The following CKAP5 variants were observed in gnomAD, a reference collection of about 807,000 sequenced individuals.
CKAP5 encodes the protein cytoskeleton associated protein 5.
In CKAP5, 27 loss-of-function variants were observed where a neutral mutation model predicts 232.8. The ratio of observed to expected loss-of-function variants is 0.12; its 90% CI spans 0.09 to 0.16. The LOEUF is 0.16. Ranked by LOEUF, CKAP5 falls within the 10% of genes least tolerant of loss-of-function variation. The pLI is 1.00. For synonymous variants in CKAP5, 785 were observed against 841.1 expected, an observed-to-expected ratio of 0.93 and a Z score of 1.16; for missense variants, 1,838 against 2,424.7, an observed-to-expected ratio of 0.76 and a Z score of 5.08.
At chr11:46,780,031 T>A (rs1330800203) in intron 20 of CKAP5, among the ~76,000 whole-genome samples, 163 bp downstream of exon 20, 1 of 152,152 alleles carries the variant, frequency 6.6e-6, no homozygotes, top group Non-Finnish European at 1.5e-5. Flanking sequence ...GACACCCAAC[T>A]GGCATAGCAC....
Position 46,770,862 on chromosome 11 carries a change from C to A in CKAP5, c.3112G>T (p.Ala1038Ser). Residue 1038 changes from alanine to serine, a missense_variant, in exon 25 of 44, where the codon GCC becomes TCC. Ala to Ser is a moderately conservative substitution (Grantham distance 99). Transcript: ENST00000529230. Reference protein sequence around the residue: ...EDRNGDVRKKAQDALPFFMMH... With the variant: ...EDRNGDVRKKSQDALPFFMMH... ...ATGAAGAATGGCAAGGCATCTTGGGCCTTCTTTCGCACATCTCCATTTCGA... is the reference window on the plus strand; with the variant it reads ...ATGAAGAATGGCAAGGCATCTTGGGACTTCTTTCGCACATCTCCATTTCGA... 6.2e-7 allele frequency: 1 copy of A among 1,614,128 alleles called. No homozygotes were observed. Among genetic ancestry groups the A allele is most frequent in the South Asian group, 1.1e-5 (1 of 91,078 alleles).
rs1342373243 is a variant in CKAP5, at chr11:46,753,286, TATTGGCTGAGAGTACAG to T, written c.5057+7_5057+23del. On this transcript the variant is annotated splice_region_variant and intron_variant, in intron 37 of 43. Coordinates refer to ENST00000529230, the MANE Select transcript of CKAP5 (RefSeq NM_001008938.4). ...ACAAAAGCGAGGATGCCCCAGGCTC[TATTGGCTGAGAGTACAG>T]ATATACCTCAGGATGTTGGTCTGGT... 1.9e-6 allele frequency: 3 copies of T among 1,564,810 alleles called. No homozygotes were observed. The highest frequency in any genetic ancestry group is 2.6e-6 in the Non-Finnish European group (3 of 1,158,132).
At chr11:46,835,953 T>C (rs56904688) in intron 1 of CKAP5, among the ~76,000 whole-genome samples, 13,836 of 152,276 alleles carry the variant, frequency 0.091, 641 homozygotes, top group Non-Finnish European at 0.1. Flanking sequence ...TGGTATTCTA[T>C]GGTATTCTTT....
At chr11:46,776,684 G>A (rs952655507) in intron 23 of CKAP5, among the ~76,000 whole-genome samples, 1 of 152,162 alleles carries the variant, frequency 6.6e-6, no homozygotes, top group African/African-American at 2.4e-5. Flanking sequence ...TGTTTCCTGA[G>A]TAGTTGGGGG....
intron 13 of CKAP5, among the ~76,000 whole-genome samples, chr11:46,794,119 G>A (rs748582610): frequency 6.6e-6 from 1 of 152,114 alleles, no homozygotes; most frequent in Non-Finnish European, 1.5e-5. Context: ...AGACATAAAT[G>A]TAAGACCTAA....
chr11:46,775,588 T>A (rs1409640429), intron 24 of CKAP5, among the ~76,000 whole-genome samples: 1 of 152,220 alleles, frequency 6.6e-6, no homozygotes, highest in Non-Finnish European at 1.5e-5. Flanking sequence ...CCCATCATGT[T>A]AGACTGGATA....
In CKAP5 at chr11:46,805,645, T is replaced by C. The variant is rs547560928; in HGVS notation, c.978+2386A>G. Among the ~76,000 whole-genome samples the C allele has an allele frequency of 1.2e-4, 19 of 152,146 alleles. No homozygotes were observed. The South Asian group carries it at 1.9e-3, about 15-fold the overall frequency. The stretch of plus-strand genomic sequence containing the variant: ...TATAACTAAAATCAAATACAAAAAA[T>C]AAAATGTCAGCTGGGCACCGTGGCT... On this transcript the variant is annotated intron_variant, in intron 8 of 43. Coordinates refer to ENST00000529230, the MANE Select transcript of CKAP5 (RefSeq NM_001008938.4).
chr11:46,818,188 C>G, intron 3 of CKAP5, 122 bp downstream of exon 3: 1 of 678,812 alleles, frequency 1.5e-6, no homozygotes, highest in Non-Finnish European at 2.2e-6. Flanking sequence ...CAAGAAACTA[C>G]GAAAGTAAGA....
intron 21 of CKAP5, 71 bp downstream of exon 21, chr11:46,778,389 T>C: frequency 1.2e-6 from 2 of 1,604,688 alleles, no homozygotes; most frequent in Middle Eastern, 1.7e-4. Context: ...CCTCACTGAA[T>C]TCAAAAAGAA....
chr11:46,813,713 A>G (rs1037544059), intron 4 of CKAP5, among the ~76,000 whole-genome samples: 7 of 152,186 alleles, frequency 4.6e-5, no homozygotes, highest in Non-Finnish European at 7.3e-5. Flanking sequence ...ACTACATAAC[A>G]ACATCTATGA....
intron 21 of CKAP5, 33 bp downstream of exon 21, chr11:46,778,427 A>G (rs759021555): frequency 3.1e-6 from 5 of 1,612,256 alleles, no homozygotes; most frequent in Non-Finnish European, 3.4e-6. Flanking sequence ...AATACAATGA[A>G]TGAAATAAAC....
At chr11:46,790,621 A>T (rs1320153857) in intron 13 of CKAP5, 38 bp from the exon 14 acceptor site, 8 of 1,389,846 alleles carry the variant, frequency 5.8e-6, no homozygotes, top group Non-Finnish European at 8.0e-6. Flanking sequence ...AAACCACCTA[A>T]GGATTTAAAA....
Position 46,778,434 on chromosome 11 carries a change from A to C in CKAP5, c.2573+26T>G, listed in dbSNP as rs373518475. ...CTGAATTCAATACAATGAATGAAAT[A>C]AACCATTTCACAGACTGGAACCTAC... On this transcript the variant is annotated intron_variant, in intron 21 of 43. Transcript: ENST00000529230. The C allele has an allele frequency of 3.1e-6, 5 of 1,612,722 alleles. No individual in the cohort carries two copies. The African/African-American group carries it at 6.7e-5, about 22-fold the overall frequency.
rs563631526 is a variant in CKAP5, at chr11:46,758,214, C to T, written c.4689+709G>A. On this transcript the variant is annotated intron_variant, in intron 35 of 43. Coordinates refer to ENST00000529230, the MANE Select transcript of CKAP5 (RefSeq NM_001008938.4). ...TCCCCCTTTAACACTATGCTCCAGG[C>T]ACATGAACCTTCTCTTATTTCCTTG... Among the ~76,000 whole-genome samples the T allele has an allele frequency of 2.0e-5, 3 of 152,276 alleles. No homozygotes were observed. In the South Asian group the frequency reaches 6.2e-4, roughly 32 times the overall value.
chr11:46,809,476 G>A lies in CKAP5; in HGVS notation c.788C>T (p.Pro263Leu). 6.2e-7 allele frequency: 1 copy of A among 1,613,018 alleles called. No individual in the cohort carries two copies. Among genetic ancestry groups the A allele is most frequent in the African/African-American group, 1.3e-5 (1 of 74,976 alleles). Residue 263 changes from proline (P) to leucine (L), a missense_variant, in exon 7 of 44, where the codon CCA becomes CTA. By Grantham distance (98) the Pro-to-Leu change is moderately conservative (BLOSUM62 -3). Transcript: ENST00000529230. ...EGGGDDGDEVPQIDAYELLEA... is the reference protein window; with the variant it reads ...EGGGDDGDEVLQIDAYELLEA... ...TAAAAGCTCATAAGCATCTATTTGT[G>A]GCACCTCATCACCATCATCACCACC... is the stretch of plus-strand genomic sequence containing the variant.
At chr11:46,795,555 C>A (rs774637692) in intron 13 of CKAP5, 39 bp downstream of exon 13, 1 of 1,541,624 alleles carries the variant, frequency 6.5e-7, no homozygotes, top group Non-Finnish European at 8.8e-7. Context: ...AGACTCAGAC[C>A]CTTCCTTACT....
intron 26 of CKAP5, 47 bp from the exon 27 acceptor site, chr11:46,767,710 A>G: frequency 8.3e-7 from 1 of 1,198,644 alleles, no homozygotes; most frequent in Admixed American, 2.0e-5. Context: ...AACTAATATC[A>G]TTTTATTTTG....
Position 46,811,189 on chromosome 11 carries a change from A to C in CKAP5, c.459-11T>G, listed in dbSNP as rs1443968790. On this transcript the variant is annotated splice_polypyrimidine_tract_variant and intron_variant, in intron 4 of 43. Transcript: ENST00000529230. Reference sequence around the variant, plus strand: ...TTGGAACCAAATTCACTACAAGTAAAAAATTGGGAAAAAACTGTCAACGTG... The same window carrying C: ...TTGGAACCAAATTCACTACAAGTAACAAATTGGGAAAAAACTGTCAACGTG... The C allele has an allele frequency of 6.2e-7, 1 of 1,609,048 alleles. No individual in the cohort carries two copies. The highest frequency in any genetic ancestry group is 1.1e-5 in the South Asian group (1 of 90,162).
intron 7 of CKAP5, among the ~76,000 whole-genome samples, chr11:46,809,181 G>A (rs1939220876): frequency 6.6e-6 from 1 of 152,054 alleles, no homozygotes; most frequent in African/African-American, 2.4e-5. Flanking sequence ...AGTCAAGAAT[G>A]TTCTGGTTTT....
Sources: gnomAD v4.1 joint callset for allele counts (sites outside exome capture counted in the v4.1 genomes callset) on GRCh38, gnomAD v4.1.1 for gene constraint, MANE v1.5 for transcripts, NCBI Gene and HGNC (gene_info 2026-07-23, HGNC 2026-07-21) for gene names.